The following PIK3R6 variants were observed in gnomAD, a reference collection of about 807,000 sequenced individuals.
PIK3R6 encodes phosphoinositide 3-kinase regulatory subunit 6.
In PIK3R6, 91 loss-of-function variants were observed where a neutral mutation model predicts 84.9. That is an observed-to-expected ratio of 1.07 (90% CI 0.90 to 1.28). PIK3R6 has a LOEUF of 1.28. Among genes scored for constraint, PIK3R6 ranks in the 50% most tolerant of loss-of-function variants. The pLI is 0.00. For missense variants in PIK3R6, 996 were observed against 985.1 expected (o/e 1.01, Z -0.15); for synonymous variants, 416 against 411.4 (o/e 1.01, Z -0.13).
In PIK3R6 at chr17:8,827,222, G is replaced by A. The variant is rs781380916; in HGVS notation, c.1465C>T (p.Gln489Ter). ...TFLGRVDPWY[Q>*]SNVNTLCPAI... is the part of the protein sequence containing the mutation. Reference sequence around the variant, plus strand: ...GGGCACAGCGTGTTGACGTTGCTCTGGTACCACGGGTCTACGCGGCCCAGG... The same window carrying A: ...GGGCACAGCGTGTTGACGTTGCTCTAGTACCACGGGTCTACGCGGCCCAGG... Residue 489 changes from glutamine (Q) to a stop codon, truncating the protein, a stop_gained, in exon 13 of 20, where the codon CAG becomes TAG. Coordinates refer to ENST00000619866, the MANE Select transcript of PIK3R6 (RefSeq NM_001010855.4). LOFTEE classifies it high-confidence loss of function. 6.2e-7 allele frequency: 1 copy of A among 1,606,956 alleles called. No homozygotes were observed. Among genetic ancestry groups the A allele is most frequent in the South Asian group, 1.1e-5 (1 of 89,318 alleles).
At chr17:8,818,672 T>A (rs946076785) in intron 18 of PIK3R6, among the ~76,000 whole-genome samples, 1 of 152,014 alleles carries the variant, frequency 6.6e-6, no homozygotes, top group African/African-American at 2.4e-5. Flanking sequence ...ATTGTTGATA[T>A]GAGCAAAGGC....
rs1480137242 is a variant in PIK3R6, at chr17:8,819,050, C to T, written c.1995+33G>A. ...AGCCACCTACTGCTGTCCCAGCTGG[C>T]TGTCTCCCTTTCCCAGTCTACTCAG... On this transcript the variant is annotated intron_variant, in intron 18 of 19. Coordinates refer to ENST00000619866, the MANE Select transcript of PIK3R6 (RefSeq NM_001010855.4). The T allele has an allele frequency of 7.4e-6, 11 of 1,492,510 alleles. No homozygotes were observed. The East Asian group carries it at 2.6e-4, about 36-fold the overall frequency. 92.5% of individuals were successfully genotyped at this position (1,492,510 alleles called of 1,614,324 possible).
chr17:8,866,436 G>C (rs1290244135), intron 1 of PIK3R6, among the ~76,000 whole-genome samples: 1 of 152,082 alleles, frequency 6.6e-6, no homozygotes, highest in Non-Finnish European at 1.5e-5. Flanking sequence ...CAGCTACTTG[G>C]GAGGCTGAGG....
Position 8,819,117 on chromosome 17 carries a change from A to AC in PIK3R6, c.1960dup (p.Val654GlyfsTer157). The AC allele has an allele frequency of 5.6e-6, 9 of 1,608,768 alleles. No homozygotes were observed. Among genetic ancestry groups the AC allele is most frequent in the Non-Finnish European group, 6.8e-6 (8 of 1,177,790 alleles). ...CTTTCCCGCCAAGTTGGAGGACTTGACAACCTCTGTCACGTTGACATTCAG... is the reference window on the plus strand; with the variant it reads ...CTTTCCCGCCAAGTTGGAGGACTTGACCAACCTCTGTCACGTTGACATTCAG... On this transcript the variant is annotated frameshift_variant, in exon 18 of 20. Transcript: ENST00000619866. LOFTEE classifies it high-confidence loss of function.
At chr17:8,818,605 C>T (rs2087619093) in intron 18 of PIK3R6, among the ~76,000 whole-genome samples, 1 of 152,048 alleles carries the variant, frequency 6.6e-6, no homozygotes, top group Non-Finnish European at 1.5e-5. Context: ...ACTAAGATTG[C>T]ACCACTGCAC....
chr17:8,827,585 G>A (rs139399711), intron 12 of PIK3R6, among the ~76,000 whole-genome samples: 124 of 152,156 alleles, frequency 8.1e-4, no homozygotes, highest in Non-Finnish European at 1.4e-3. Flanking sequence ...GGAGTGTGTA[G>A]TAGGAAGTGG....
chr17:8,832,783 C>T, intron 9 of PIK3R6, 106 bp downstream of exon 9: 1 of 1,544,456 alleles, frequency 6.5e-7, no homozygotes, highest in Non-Finnish European at 8.8e-7. Context: ...GTCGGCCAGG[C>T]ACCCAGACAG....
intron 7 of PIK3R6, 25 bp from the exon 8 acceptor site, chr17:8,835,481 G>T (rs1461738891): frequency 1.3e-6 from 2 of 1,522,354 alleles, no homozygotes; most frequent in South Asian, 1.3e-5. Flanking sequence ...AGAGGGGAGA[G>T]GTGGGATTGA....
intron 8 of PIK3R6, among the ~76,000 whole-genome samples, chr17:8,833,941 G>A (rs1452033878): frequency 1.3e-5 from 2 of 151,840 alleles, no homozygotes; most frequent in African/African-American, 4.8e-5. Flanking sequence ...GGCCGGGGTA[G>A]GTGGATCACG....
At chr17:8,864,106 T>A (rs1197166029) in intron 1 of PIK3R6, among the ~76,000 whole-genome samples, 1 of 152,174 alleles carries the variant, frequency 6.6e-6, no homozygotes, top group African/African-American at 2.4e-5. Context: ...CACCATCTTT[T>A]CAAATACGTT....
intron 18 of PIK3R6, among the ~76,000 whole-genome samples, chr17:8,817,668 A>C (rs989478385): frequency 3.9e-5 from 6 of 152,072 alleles, no homozygotes; most frequent in Non-Finnish European, 7.3e-5. Context: ...AACAAAAAAA[A>C]CAAAAACATT....
chr17:8,854,220 C>T (rs1262555000), intron 1 of PIK3R6, among the ~76,000 whole-genome samples: 1 of 151,954 alleles, frequency 6.6e-6, no homozygotes, highest in Non-Finnish European at 1.5e-5. Context: ...GTGATCTTGG[C>T]TCACTGCAAC....
Position 8,828,188 on chromosome 17 carries a change from T to C in PIK3R6, c.1316A>G (p.Lys439Arg). 2 of 1,613,910 alleles carry C rather than the reference T, an allele frequency of 1.2e-6. No individual in the cohort carries two copies. The highest frequency in any genetic ancestry group is 1.3e-5 in the African/African-American group (1 of 75,042). ...GAGGCAGAACTTCTGGGTCTCCCGT[T>C]TCCTAGCAATGGGCAGCAAAGCAGA... Reference protein sequence around the residue: ...RLAQAYHRLRKRETQKFCLTP... With the variant: ...RLAQAYHRLRRRETQKFCLTP... Residue 439 changes from lysine to arginine, a missense_variant and splice_region_variant, in exon 12 of 20, where the codon AAA (lysine) becomes AGA (arginine). Coordinates refer to ENST00000619866, the MANE Select transcript of PIK3R6 (RefSeq NM_001010855.4).
intron 7 of PIK3R6, among the ~76,000 whole-genome samples, chr17:8,835,685 T>C (rs2088432374): frequency 6.6e-6 from 1 of 152,100 alleles, no homozygotes; most frequent in African/African-American, 2.4e-5. Context: ...TAATCCACTG[T>C]CCACAGAGGA....
intron 1 of PIK3R6, among the ~76,000 whole-genome samples, chr17:8,855,074 T>G (rs2089089896): frequency 6.6e-6 from 1 of 152,056 alleles, no homozygotes; most frequent in South Asian, 2.1e-4. Flanking sequence ...ATGCCTGTAA[T>G]CCCAGTTACT....
intron 1 of PIK3R6, among the ~76,000 whole-genome samples, chr17:8,858,675 G>A (rs910967565): frequency 6.6e-6 from 1 of 152,090 alleles, no homozygotes; most frequent in African/African-American, 2.4e-5. Context: ...AAACGGTGGC[G>A]ATGGCAGGAG....
At chr17:8,836,059 C>A (rs1397257136) in intron 7 of PIK3R6, among the ~76,000 whole-genome samples, 1 of 152,176 alleles carries the variant, frequency 6.6e-6, no homozygotes, top group Non-Finnish European at 1.5e-5. Flanking sequence ...AACTTCATCA[C>A]CCCTCTCCCC....
chr17:8,822,943 T>G, intron 15 of PIK3R6, 53 bp downstream of exon 15: 1 of 1,418,398 alleles, frequency 7.1e-7, no homozygotes, highest in South Asian at 1.1e-5. Context: ...AGGATGAGAG[T>G]TTGGAGAAGC....
chr17:8,834,844 G>T lies in PIK3R6; in HGVS notation c.645+429C>A, dbSNP rs72841876. Among the ~76,000 whole-genome samples, 1,098 of 147,252 alleles carry T rather than the reference G, an allele frequency of 7.5e-3. 4 individuals are homozygous for T. The highest frequency in any genetic ancestry group is 0.026 in the Middle Eastern group (7 of 270). Reference sequence around the variant, plus strand: ...GGCATTATCTTATATCTTATTATTGGTTTTTTTTTTGGAAATGGAGTCTCT... The same window carrying T: ...GGCATTATCTTATATCTTATTATTGTTTTTTTTTTTGGAAATGGAGTCTCT... On this transcript the variant is annotated intron_variant, in intron 8 of 19. Transcript: ENST00000619866.
Sources: allele counts gnomAD v4.1 joint callset (sites outside exome capture counted in the v4.1 genomes callset), GRCh38; gene constraint gnomAD v4.1.1; transcripts MANE v1.5; gene names NCBI Gene and HGNC (gene_info 2026-07-23, HGNC 2026-07-21).